ADAM2: variants seen among roughly 807,000 people sequenced by gnomAD.
ADAM2 encodes ADAM metallopeptidase domain 2, also known as disintegrin and metalloproteinase domain-containing protein 2.
Under a neutral mutation model 99.3 loss-of-function variants are expected in ADAM2, and 101 were observed. That is an observed-to-expected ratio of 1.02 (90% CI 0.87 to 1.20). The LOEUF (loss-of-function observed/expected upper bound fraction) is 1.20, where lower values mean the gene tolerates loss of function less well. Among genes scored for constraint, ADAM2 ranks in the 50% most tolerant of loss-of-function variants. ADAM2 has a pLI of 0.00. For missense variants in ADAM2, 948 were observed against 878.7 expected (o/e 1.08, Z -1.00); for synonymous variants, 323 against 287.6 (o/e 1.12, Z -1.25).
intron 3 of ADAM2, among the ~76,000 whole-genome samples, chr8:39,832,951 C>T (rs1025339836): frequency 6.6e-6 from 1 of 152,068 alleles, no homozygotes; most frequent in African/African-American, 2.4e-5. Context: ...GTTATGCTTA[C>T]ATTTTAATTC....
At chr8:39,754,095 A>G (rs1802060592) in intron 16 of ADAM2, among the ~76,000 whole-genome samples, 1 of 152,154 alleles carries the variant, frequency 6.6e-6, no homozygotes, top group Admixed American at 6.5e-5. Flanking sequence ...TTTAAAATGT[A>G]TTATTTTTCC....
chr8:39,816,451 A>C (rs531705215), intron 6 of ADAM2, among the ~76,000 whole-genome samples: 1 of 152,334 alleles, frequency 6.6e-6, no homozygotes, highest in Non-Finnish European at 1.5e-5. Flanking sequence ...TAGCAGTTCA[A>C]ATCTTAGTAA....
intron 6 of ADAM2, among the ~76,000 whole-genome samples, chr8:39,810,782 G>A (rs1804661340): frequency 6.6e-6 from 1 of 152,158 alleles, no homozygotes; most frequent in African/African-American, 2.4e-5. Flanking sequence ...CACATTTAAA[G>A]CAGTGTGTAG....
chr8:39,787,170 A>G (rs1229174033), intron 9 of ADAM2, 115 bp from the exon 10 acceptor site: 2 of 556,286 alleles, frequency 3.6e-6, no homozygotes, highest in Admixed American at 3.6e-5. Flanking sequence ...ACATTAATGT[A>G]ACATAGCATA....
At chr8:39,837,534 G>T (rs1325220526) in intron 1 of ADAM2, among the ~76,000 whole-genome samples, 2 of 151,870 alleles carry the variant, frequency 1.3e-5, no homozygotes, top group African/African-American at 4.8e-5. Context: ...CTACAGGCAC[G>T]CACTACCACC....
rs567962815 is a variant in ADAM2 at position 39,768,516 on chromosome 8, TC to T, written c.1212+875del. ...ATTTCTGTGGTTTGAGAAAACTAGCTCTTCTTAATTATGTATGTTACAAATC... is the reference window on the plus strand; with the variant it reads ...ATTTCTGTGGTTTGAGAAAACTAGCTTTCTTAATTATGTATGTTACAAATC... On this transcript the variant is annotated intron_variant, in intron 12 of 20. Coordinates refer to ENST00000265708, the MANE Select transcript of ADAM2 (RefSeq NM_001464.5). 4.5e-3 allele frequency among the ~76,000 whole-genome samples: 681 copies of T among 152,264 alleles called. 8 individuals carry two copies. Among genetic ancestry groups the T allele is most frequent in the African/African-American group, 0.015 (638 of 41,554 alleles).
intron 7 of ADAM2, among the ~76,000 whole-genome samples, chr8:39,800,598 T>G (rs539574540): frequency 6.6e-6 from 1 of 152,352 alleles, no homozygotes; most frequent in East Asian, 1.9e-4. Flanking sequence ...GAAGTTCTCC[T>G]GGATAATATA....
At chr8:39,826,440 A>C (rs997677085) in intron 3 of ADAM2, among the ~76,000 whole-genome samples, 2 of 152,074 alleles carry the variant, frequency 1.3e-5, no homozygotes, top group African/African-American at 2.4e-5. Context: ...AAAAGCACTC[A>C]AGGCCAGGAG....
At chr8:39,771,811 T>C (rs1274066140) in intron 11 of ADAM2, among the ~76,000 whole-genome samples, 6 of 151,954 alleles carry the variant, frequency 3.9e-5, no homozygotes, top group South Asian at 4.1e-4. Flanking sequence ...AGGAACCATA[T>C]AGAAAAAAAC....
chr8:39,756,209 C>T (rs967682236), intron 15 of ADAM2, among the ~76,000 whole-genome samples: 13 of 152,132 alleles, frequency 8.5e-5, no homozygotes, highest in African/African-American at 3.1e-4. Flanking sequence ...AGCCTGACAA[C>T]TTTTTTTGTG....
chr8:39,791,120 T>A (rs539000856), intron 7 of ADAM2, among the ~76,000 whole-genome samples: 7 of 151,818 alleles, frequency 4.6e-5, no homozygotes, highest in Non-Finnish European at 8.8e-5. Context: ...TTCATGTTAA[T>A]AAACTAAAAC....
intron 5 of ADAM2, 123 bp downstream of exon 5, chr8:39,821,463 G>T (rs1354023573): frequency 4.2e-6 from 3 of 711,180 alleles, no homozygotes; most frequent in Non-Finnish European, 6.9e-6. Context: ...CATGCTTTGT[G>T]AGTGGCAGTT....
At chr8:39,809,715 T>C (rs902234419) in intron 6 of ADAM2, among the ~76,000 whole-genome samples, 2 of 152,174 alleles carry the variant, frequency 1.3e-5, no homozygotes, top group African/African-American at 2.4e-5. Context: ...CATATTTTCA[T>C]TGGTTCCAAG....
At chr8:39,823,422 C>A (rs1805279203) in intron 4 of ADAM2, among the ~76,000 whole-genome samples, 1 of 152,114 alleles carries the variant, frequency 6.6e-6, no homozygotes. Flanking sequence ...TTGGCAAACA[C>A]AATTTATTTT....
At position 39,821,167 on chromosome 8, in the gene ADAM2, G is replaced by A. The variant is rs756189613; in HGVS notation, c.348C>T (p.Gly116=). ...VMVSTCTGLR[G]VLQFENVSYG... ...AACTAACATTTTCAAACTGTAGTACGCCCCTAAAAATTTCAAAAAAAAATT... is the reference window on the plus strand; with the variant it reads ...AACTAACATTTTCAAACTGTAGTACACCCCTAAAAATTTCAAAAAAAAATT... Residue 116 remains glycine (G), a synonymous_variant, in exon 6 of 21, where the codon GGC becomes GGT. Transcript: ENST00000265708. 7.7e-6 allele frequency: 12 copies of A among 1,561,536 alleles called. No homozygotes were observed. The highest frequency in any genetic ancestry group is 4.5e-5 in the East Asian group (2 of 44,134).
intron 3 of ADAM2, among the ~76,000 whole-genome samples, chr8:39,827,120 G>T (rs1344247212): frequency 6.6e-6 from 1 of 152,036 alleles, no homozygotes. Flanking sequence ...TGGCCAAGAG[G>T]TATATGAAAA....
chr8:39,803,207 G>A (rs929439526), intron 7 of ADAM2, among the ~76,000 whole-genome samples: 5 of 152,208 alleles, frequency 3.3e-5, no homozygotes, highest in South Asian at 4.2e-4. Flanking sequence ...TGATCAAACC[G>A]CTCGGTATCA....
At chr8:39,771,450 A>G (rs1802776748) in intron 11 of ADAM2, among the ~76,000 whole-genome samples, 1 of 152,194 alleles carries the variant, frequency 6.6e-6, no homozygotes, top group Non-Finnish European at 1.5e-5. Context: ...TATAAATAAT[A>G]AAGTTTAATT....
rs1270194525 is a variant in ADAM2 at position 39,821,588 on chromosome 8, G to C, written c.342C>G (p.Leu114=). The C allele has an allele frequency of 2.5e-6, 4 of 1,583,994 alleles. No homozygotes were observed. In the South Asian group the frequency reaches 3.4e-5, roughly 13 times the overall value. Residue 114 remains leucine (L), a splice_region_variant and synonymous_variant, in exon 5 of 21, where the codon CTC becomes CTG. Transcript: ENST00000265708. ...TTCATAAAACAGTAAATTACAACCT[G>C]AGTCCAGTACATGTGCTAACCATCA... ...SVVMVSTCTG[L]RGVLQFENVS...
Sources: gnomAD v4.1 joint callset for allele counts (sites outside exome capture counted in the v4.1 genomes callset) on GRCh38, gnomAD v4.1.1 for gene constraint, MANE v1.5 for transcripts, NCBI Gene and HGNC (gene_info 2026-07-23, HGNC 2026-07-21) for gene names.